The following RABGAP1L variants were observed in gnomAD, a reference collection of about 807,000 sequenced individuals.
RABGAP1L encodes the protein rab GTPase-activating protein 1-like.
A neutral mutation model predicts 137.7 loss-of-function variants in RABGAP1L; 63 were observed. That is an observed-to-expected ratio of 0.46 (90% CI 0.37 to 0.56). The LOEUF (loss-of-function observed/expected upper bound fraction) is 0.56, where lower values mean the gene tolerates loss of function less well. Ranked by LOEUF, RABGAP1L falls within the 20% of genes least tolerant of loss-of-function variation. The probability of loss-of-function intolerance (pLI) is 0.00; values close to 1 mark genes in which losing one functional copy is unlikely to be tolerated. For synonymous variants in RABGAP1L, 431 were observed against 433.7 expected (o/e 0.99, Z 0.08); for missense variants, 1,095 against 1,244.0 (o/e 0.88, Z 1.80).
rs891862453 is a variant in RABGAP1L at position 174,481,093 on chromosome 1, C to A, written c.1710+86948C>A. The stretch of plus-strand genomic sequence containing the variant: ...TACCAAAGCTTTAACCTTCTGTCCT[C>A]TCAAACTTTTTTAAATTTTACTTTA... On this transcript the variant is annotated intron_variant, in intron 13 of 25. Transcript: ENST00000681986. 3.2e-4 allele frequency among the ~76,000 whole-genome samples: 49 copies of A among 152,186 alleles called. 1 individual carries two copies. Among genetic ancestry groups the A allele is most frequent in the Admixed American group, 1.8e-3 (27 of 15,270 alleles).
intron 13 of RABGAP1L, among the ~76,000 whole-genome samples, chr1:174,487,218 G>C (rs75942031): frequency 2.0e-5 from 3 of 152,152 alleles, no homozygotes; most frequent in East Asian, 3.9e-4. Context: ...TGAAAGTGGG[G>C]TGTTGAAGTC....
At chr1:174,181,281 T>C (rs977748912) in intron 1 of RABGAP1L, among the ~76,000 whole-genome samples, 55 of 152,240 alleles carry the variant, frequency 3.6e-4, no homozygotes, top group African/African-American at 1.2e-3. Flanking sequence ...GCTGGAATTA[T>C]GTGCATGTGC....
At chr1:174,482,423 G>A (rs1659199799) in intron 13 of RABGAP1L, among the ~76,000 whole-genome samples, 1 of 152,140 alleles carries the variant, frequency 6.6e-6, no homozygotes, top group South Asian at 2.1e-4. Context: ...GTTTTACAAA[G>A]GAATTCTATA....
chr1:174,626,212 A>T (rs1015882143), intron 13 of RABGAP1L, among the ~76,000 whole-genome samples: 1 of 152,164 alleles, frequency 6.6e-6, no homozygotes, highest in African/African-American at 2.4e-5. Flanking sequence ...CTGGAGTCTA[A>T]CCCCACATGT....
chr1:174,637,989 G>T (rs551749222), intron 14 of RABGAP1L, among the ~76,000 whole-genome samples: 1 of 152,062 alleles, frequency 6.6e-6, no homozygotes, highest in African/African-American at 2.4e-5. Context: ...ATTATAAGTA[G>T]GCCTGGAAAA....
At chr1:174,599,903 T>C (rs1460773007) in intron 13 of RABGAP1L, among the ~76,000 whole-genome samples, 1 of 152,164 alleles carries the variant, frequency 6.6e-6, no homozygotes, top group Non-Finnish European at 1.5e-5. Context: ...ATTATCTCTT[T>C]GAATAATGCT....
chr1:174,313,888 A>G (rs1028076835), intron 11 of RABGAP1L, among the ~76,000 whole-genome samples: 1 of 152,058 alleles, frequency 6.6e-6, no homozygotes, highest in Admixed American at 6.6e-5. Context: ...TCTATAATGT[A>G]TTGTTGAATT....
At chr1:174,388,656 T>C (rs951256585) in intron 12 of RABGAP1L, among the ~76,000 whole-genome samples, 1 of 152,116 alleles carries the variant, frequency 6.6e-6, no homozygotes, top group African/African-American at 2.4e-5. Context: ...AATATCTGGA[T>C]AACTGCTTCA....
intron 13 of RABGAP1L, among the ~76,000 whole-genome samples, chr1:174,480,065 A>G (rs1241358616): frequency 6.6e-6 from 1 of 152,188 alleles, no homozygotes; most frequent in Non-Finnish European, 1.5e-5. Context: ...CAGAAGTTAA[A>G]TTCTAAAAGT....
intron 13 of RABGAP1L, among the ~76,000 whole-genome samples, chr1:174,598,878 ATTGGAGACT>A (rs1275112608): frequency 2.7e-4 from 41 of 151,756 alleles, no homozygotes; most frequent in African/African-American, 9.9e-4. Context: ...ATTTCTTTTG[ATTGGAGACT>A]TTAGTTCACT....
chr1:174,839,056 T>TGTGTGG (rs1553261082), intron 19 of RABGAP1L, among the ~76,000 whole-genome samples: 1 of 140,956 alleles, frequency 7.1e-6, no homozygotes, highest in Admixed American at 7.1e-5. Context: ...TGTGTGTGTG[T>TGTGTGG]TGGTAGGGGT....
intron 11 of RABGAP1L, chr1:174,368,152 C>A (rs1684809400): frequency 6.6e-6 from 1 of 152,284 alleles, no homozygotes; most frequent in African/African-American, 2.4e-5. Flanking sequence ...GTCCTCCCAC[C>A]CGTGGTTGCC....
intron 22 of RABGAP1L, among the ~76,000 whole-genome samples, chr1:174,976,959 CA>C (rs1338267787): frequency 6.6e-6 from 1 of 152,236 alleles, no homozygotes; most frequent in African/African-American, 2.4e-5. Flanking sequence ...AGTTTCATCA[CA>C]AACAATTGAA....
At chr1:174,703,281 T>C (rs970706590) in intron 17 of RABGAP1L, among the ~76,000 whole-genome samples, 6 of 152,204 alleles carry the variant, frequency 3.9e-5, no homozygotes, top group African/African-American at 1.4e-4. Context: ...CACTGTCCCA[T>C]GTGAGTCTCC....
chr1:174,500,315 G>C (rs1178913989), intron 13 of RABGAP1L, among the ~76,000 whole-genome samples: 1 of 152,040 alleles, frequency 6.6e-6, no homozygotes, highest in Non-Finnish European at 1.5e-5. Flanking sequence ...TCTGACCTCA[G>C]GTAATCCACC....
At position 174,349,139 on chromosome 1, in the gene RABGAP1L, C is replaced by T. The variant is rs529716225; in HGVS notation, c.1466-21840C>T. Among the ~76,000 whole-genome samples, 13 of 124,950 alleles carry T rather than the reference C, an allele frequency of 1.0e-4. No individual in the cohort carries two copies. The South Asian group carries it at 1.9e-3, about 18-fold the overall frequency. The allele number at this position is 124,950 out of a possible 152,430, so 82.0% of individuals were successfully genotyped here. ...CCACCTCCCGGACGGGGCGGCTGGC[C>T]GGGCAGAGGGGCTCCTCACTTCCCA... On this transcript the variant is annotated intron_variant, in intron 11 of 25. Coordinates refer to ENST00000681986, the MANE Select transcript of RABGAP1L (RefSeq NM_001366446.1).
chr1:174,789,596 T>C (rs1687704720), intron 18 of RABGAP1L, among the ~76,000 whole-genome samples: 2 of 152,116 alleles, frequency 1.3e-5, no homozygotes, highest in Non-Finnish European at 2.9e-5. Flanking sequence ...AGTTCATTGC[T>C]CAGCAAACCC....
intron 13 of RABGAP1L, among the ~76,000 whole-genome samples, chr1:174,438,267 T>G (rs1406036352): frequency 1.3e-5 from 2 of 152,226 alleles, no homozygotes; most frequent in Non-Finnish European, 2.9e-5. Context: ...CAAGATCGTT[T>G]TAGCTCTCTT....
chr1:174,953,936 C>T (rs1343076473), intron 19 of RABGAP1L, among the ~76,000 whole-genome samples: 1 of 152,168 alleles, frequency 6.6e-6, no homozygotes, highest in African/African-American at 2.4e-5. Flanking sequence ...CTTAAACAAA[C>T]TTGTTTACTT....
Sources: allele counts gnomAD v4.1 joint callset (sites outside exome capture counted in the v4.1 genomes callset), GRCh38; gene constraint gnomAD v4.1.1; transcripts MANE v1.5; gene names NCBI Gene and HGNC (gene_info 2026-07-23, HGNC 2026-07-21).